Variants in CLASP1 observed in about 807,000 individuals in gnomAD.
CLASP1 encodes CLIP-associating protein 1.
In CLASP1, 38 loss-of-function variants were observed where a neutral mutation model predicts 192.3. The ratio of observed to expected loss-of-function variants is 0.20; its 90% CI spans 0.15 to 0.26. The LOEUF (loss-of-function observed/expected upper bound fraction) is 0.26. CLASP1 is among the 10% of genes least tolerant of loss of function. The pLI is 1.00. For synonymous variants in CLASP1, 691 were observed against 712.8 expected (o/e 0.97, Z 0.49); for missense variants, 1,433 against 1,932.5 (o/e 0.74, Z 4.85).
At chr2:121,633,681 C>T (rs759103728) in intron 1 of CLASP1, among the ~76,000 whole-genome samples, 1 of 151,998 alleles carries the variant, frequency 6.6e-6, no homozygotes, top group Non-Finnish European at 1.5e-5. Context: ...AAGCTAGGTC[C>T]CCAGCCAACA....
chr2:121,556,647 TA>T (rs1326756516), intron 2 of CLASP1, among the ~76,000 whole-genome samples: 3 of 152,222 alleles, frequency 2.0e-5, no homozygotes, highest in Non-Finnish European at 4.4e-5. Flanking sequence ...AAGTAACACA[TA>T]AGCTCCATGA....
chr2:121,553,656 G>A (rs1381771437), intron 2 of CLASP1, among the ~76,000 whole-genome samples: 4 of 151,956 alleles, frequency 2.6e-5, no homozygotes, highest in African/African-American at 7.3e-5. Flanking sequence ...AGCCAAGATC[G>A]CGTCACTACA....
chr2:121,508,361 C>CA (rs1303487789), intron 7 of CLASP1, among the ~76,000 whole-genome samples: 1 of 151,958 alleles, frequency 6.6e-6, no homozygotes, highest in African/African-American at 2.4e-5. Flanking sequence ...TAATTCCCCC[C>CA]AAAAAACTAA....
chr2:121,585,954 C>A (rs1006162138), intron 2 of CLASP1, among the ~76,000 whole-genome samples: 1 of 151,354 alleles, frequency 6.6e-6, no homozygotes, highest in Admixed American at 6.6e-5. Context: ...CTCAAGAGCA[C>A]AGCTACTTGG....
chr2:121,602,549 C>T (rs1265122022), intron 2 of CLASP1, among the ~76,000 whole-genome samples: 1 of 152,102 alleles, frequency 6.6e-6, no homozygotes, highest in Admixed American at 6.6e-5. Context: ...ACTAACAGAC[C>T]TCAAAGTAAA....
intron 24 of CLASP1, among the ~76,000 whole-genome samples, chr2:121,409,688 A>G (rs2077415756): frequency 6.6e-6 from 1 of 152,156 alleles, no homozygotes; most frequent in Admixed American, 6.5e-5. Context: ...TTTGACCTCC[A>G]CTTCCCAGGG....
At chr2:121,481,734 C>G (rs954378884) in intron 8 of CLASP1, among the ~76,000 whole-genome samples, 12 of 152,194 alleles carry the variant, frequency 7.9e-5, no homozygotes, top group African/African-American at 2.9e-4. Flanking sequence ...GCCTCTACCA[C>G]TGGAAGGCTA....
intron 2 of CLASP1, among the ~76,000 whole-genome samples, chr2:121,593,044 C>A (rs575663204): frequency 6.6e-6 from 1 of 152,268 alleles, no homozygotes; most frequent in South Asian, 2.1e-4. Flanking sequence ...ACTATCTCCC[C>A]ACAAGATATC....
intron 1 of CLASP1, among the ~76,000 whole-genome samples, chr2:121,625,279 T>C (rs1423313149): frequency 6.6e-6 from 1 of 152,184 alleles, no homozygotes; most frequent in Non-Finnish European, 1.5e-5. Context: ...AAGTATTCCA[T>C]GTGCATGTAC....
Position 121,350,742 on chromosome 2 carries a change from A to G in CLASP1, c.4207-2024T>C, listed in dbSNP as rs192324133. The stretch of plus-strand genomic sequence containing the variant: ...AGTGGGTTTTTCACTATGAAGCCCC[A>G]TATGAGCTTTGGCTACTCACACCCA... On this transcript the variant is annotated intron_variant, in intron 37 of 39. Coordinates refer to ENST00000263710, the Ensembl canonical transcript of CLASP1. 2.1e-4 allele frequency among the ~76,000 whole-genome samples: 32 copies of G among 152,332 alleles called. No individual in the cohort carries two copies. In the East Asian group the frequency reaches 5.6e-3, roughly 27 times the overall value.
chr2:121,390,510 G>C (rs1489545460), intron 30 of CLASP1, among the ~76,000 whole-genome samples: 1 of 152,226 alleles, frequency 6.6e-6, no homozygotes, highest in African/African-American at 2.4e-5. Context: ...GGTGGGGTTT[G>C]TAAAAGGTTC....
chr2:121,541,626 G>A (rs1300284681), intron 2 of CLASP1, among the ~76,000 whole-genome samples: 1 of 152,050 alleles, frequency 6.6e-6, no homozygotes, highest in African/African-American at 2.4e-5. Flanking sequence ...TCAAACGTCA[G>A]CCTCGGCGCT....
At chr2:121,368,033 C>T (rs957481166) in intron 34 of CLASP1, among the ~76,000 whole-genome samples, 1 of 152,208 alleles carries the variant, frequency 6.6e-6, no homozygotes, top group Non-Finnish European at 1.5e-5. Flanking sequence ...CATTTATTTG[C>T]ATCTAGTCTT....
exon 25 of CLASP1, chr2:121,407,668 G>A (rs780725491): frequency 1.8e-5 from 29 of 1,613,822 alleles, no homozygotes; most frequent in Middle Eastern, 1.6e-4. Flanking sequence ...TGGCATCATC[G>A]TCAGAATACA....
At chr2:121,358,420 T>G (rs537056405) in intron 37 of CLASP1, among the ~76,000 whole-genome samples, 3 of 152,210 alleles carry the variant, frequency 2.0e-5, no homozygotes, top group Non-Finnish European at 4.4e-5. Flanking sequence ...TATTTCCCAG[T>G]GCCCATTGAT....
intron 32 of CLASP1, among the ~76,000 whole-genome samples, chr2:121,386,201 T>C (rs1452099019): frequency 6.6e-6 from 1 of 152,244 alleles, no homozygotes; most frequent in Non-Finnish European, 1.5e-5. Flanking sequence ...TTTGATATCT[T>C]CCTAGTAACA....
chr2:121,503,538 T>G (rs547736692), intron 7 of CLASP1, among the ~76,000 whole-genome samples: 1 of 152,340 alleles, frequency 6.6e-6, no homozygotes, highest in Admixed American at 6.5e-5. Flanking sequence ...GCCCCTGCTC[T>G]CTGACATTAC....
rs77315394 is a variant in CLASP1 at position 121,550,281 on chromosome 2, C to T, written c.196-19956G>A. ...AGACAGTAATTCATAGCACTAAATGCCAACATAAAAAGAAAGATTTCAAAT... is the reference window on the plus strand; with the variant it reads ...AGACAGTAATTCATAGCACTAAATGTCAACATAAAAAGAAAGATTTCAAAT... On this transcript the variant is annotated intron_variant, in intron 2 of 39. Transcript: ENST00000263710. 1.9e-3 allele frequency among the ~76,000 whole-genome samples: 294 copies of T among 151,882 alleles called. 2 individuals carry two copies. Among genetic ancestry groups the T allele is most frequent in the Non-Finnish European group, 3.5e-3 (237 of 67,952 alleles).
intron 19 of CLASP1, among the ~76,000 whole-genome samples, chr2:121,436,509 C>G (rs1377486159): frequency 6.6e-5 from 10 of 151,110 alleles, no homozygotes; most frequent in Admixed American, 5.9e-4. Flanking sequence ...CTCCCAGGTT[C>G]AAGCATTTCT....
Sources: gnomAD v4.1 joint callset for allele counts (sites outside exome capture counted in the v4.1 genomes callset) on GRCh38, gnomAD v4.1.1 for gene constraint, MANE v1.5 for transcripts, NCBI Gene and HGNC (gene_info 2026-07-23, HGNC 2026-07-21) for gene names.